SCAF4: variants seen among roughly 807,000 people sequenced by gnomAD.
SCAF4 encodes SR-related CTD associated factor 4.
A neutral mutation model predicts 129.8 loss-of-function variants in SCAF4; 25 were observed. The ratio of observed to expected loss-of-function variants is 0.19; its 90% CI spans 0.14 to 0.27. SCAF4 has a LOEUF of 0.27. Ranked by LOEUF, SCAF4 falls within the 10% of genes least tolerant of loss-of-function variation. The pLI, the probability that SCAF4 is intolerant of heterozygous loss-of-function variation, is 1.00. For missense variants in SCAF4, 1,246 were observed against 1,457.1 expected (o/e 0.86, Z 2.36); for synonymous variants, 551 against 497.7 (o/e 1.11, Z -1.43).
At chr21:31,717,898 C>CAT (rs757728318) in intron 1 of SCAF4, among the ~76,000 whole-genome samples, 23 of 102,912 alleles carry the variant, frequency 2.2e-4, no homozygotes, top group South Asian at 1.4e-3. Context: ...CATATATACA[C>CAT]ATATATACAC....
At chr21:31,680,164 G>C (rs2049963679) in intron 19 of SCAF4, among the ~76,000 whole-genome samples, 1 of 152,166 alleles carries the variant, frequency 6.6e-6, no homozygotes, top group South Asian at 2.1e-4. Flanking sequence ...CTTCAGACTT[G>C]CACTCTGGAG....
intron 1 of SCAF4, among the ~76,000 whole-genome samples, chr21:31,717,864 C>CATATATAT (rs1568861913): frequency 1.6e-5 from 2 of 122,016 alleles, no homozygotes; most frequent in African/African-American, 7.4e-5. Flanking sequence ...CACACACACA[C>CATATATAT]ACACACATAT....
intron 1 of SCAF4, 107 bp from the exon 2 acceptor site, chr21:31,706,464 G>A (rs1250181535): frequency 2.3e-5 from 16 of 709,914 alleles, no homozygotes; most frequent in Middle Eastern, 6.2e-4. Flanking sequence ...AAACGGGGCC[G>A]GGGTGGTGAG....
chr21:31,697,006 T>C (rs12627169), intron 7 of SCAF4, among the ~76,000 whole-genome samples: 1 of 152,168 alleles, frequency 6.6e-6, no homozygotes, highest in Non-Finnish European at 1.5e-5. Context: ...CTATTTTCTA[T>C]TGGTGTATTT....
At chr21:31,678,717 T>C (rs1192133258) in intron 19 of SCAF4, among the ~76,000 whole-genome samples, 1 of 152,200 alleles carries the variant, frequency 6.6e-6, no homozygotes, top group Non-Finnish European at 1.5e-5. Context: ...GTCCTCACTC[T>C]ACATTCCTTT....
chr21:31,708,062 T>C (rs1284529431), intron 1 of SCAF4, among the ~76,000 whole-genome samples: 2 of 152,146 alleles, frequency 1.3e-5, no homozygotes, highest in Non-Finnish European at 2.9e-5. Context: ...TCTTTGAGAA[T>C]AAAACGCTCA....
chr21:31,711,708 A>G (rs2050803428), intron 1 of SCAF4, among the ~76,000 whole-genome samples: 2 of 152,218 alleles, frequency 1.3e-5, no homozygotes, highest in South Asian at 4.1e-4. Flanking sequence ...GTAAAGATAA[A>G]AAGGACTGTA....
At chr21:31,715,906 GACATA>G (rs1311901631) in intron 1 of SCAF4, among the ~76,000 whole-genome samples, 1 of 152,112 alleles carries the variant, frequency 6.6e-6, no homozygotes, top group African/African-American at 2.4e-5. Flanking sequence ...GTTTTCACTA[GACATA>G]ACATACTTTA....
At chr21:31,702,213 T>C (rs2050549724) in intron 5 of SCAF4, 31 bp downstream of exon 5, 1 of 1,613,018 alleles carries the variant, frequency 6.2e-7, no homozygotes. Flanking sequence ...ATCATACCAT[T>C]GTGTGAGCTC....
At chr21:31,686,811 G>GAGAATCTAACT (rs2050137614) in intron 16 of SCAF4, among the ~76,000 whole-genome samples, 2 of 152,144 alleles carry the variant, frequency 1.3e-5, no homozygotes, top group African/African-American at 4.8e-5. Flanking sequence ...CAGTTCTTAT[G>GAGAATCTAACT]AGAATCTAAC....
At chr21:31,697,812 T>C (rs1318530333) in intron 7 of SCAF4, among the ~76,000 whole-genome samples, 2 of 152,228 alleles carry the variant, frequency 1.3e-5, no homozygotes, top group African/African-American at 4.8e-5. Flanking sequence ...TGTTTTGGGA[T>C]AGAGCTAACT....
chr21:31,716,287 G>A (rs747312321), intron 1 of SCAF4, among the ~76,000 whole-genome samples: 2 of 152,006 alleles, frequency 1.3e-5, no homozygotes, highest in Non-Finnish European at 2.9e-5. Flanking sequence ...TTGGTAGTAT[G>A]ACCTCCAAGA....
At chr21:31,684,980 T>G (rs1267914366) in intron 19 of SCAF4, 69 bp downstream of exon 19, 2 of 515,324 alleles carry the variant, frequency 3.9e-6, no homozygotes, top group Non-Finnish European at 3.2e-6. Flanking sequence ...AAAATCTAAC[T>G]TGGGGATGGG....
At chr21:31,719,525 A>G (rs1231093710) in intron 1 of SCAF4, among the ~76,000 whole-genome samples, 1 of 151,696 alleles carries the variant, frequency 6.6e-6, no homozygotes, top group East Asian at 1.9e-4. Context: ...TTTTTTTGAG[A>G]TGGAGCTTCA....
chr21:31,712,274 G>C (rs2050818172), intron 1 of SCAF4, among the ~76,000 whole-genome samples: 1 of 145,436 alleles, frequency 6.9e-6, no homozygotes, highest in African/African-American at 2.6e-5. Flanking sequence ...CTGGAGTGCA[G>C]TGGTGGGATC....
At chr21:31,724,559 C>T (rs1290663554) in intron 1 of SCAF4, among the ~76,000 whole-genome samples, 3 of 152,146 alleles carry the variant, frequency 2.0e-5, no homozygotes, top group African/African-American at 7.2e-5. Flanking sequence ...ACTGATGTAA[C>T]ATTTTTTCCC....
chr21:31,730,136 T>G (rs1269320076), intron 1 of SCAF4, among the ~76,000 whole-genome samples: 1 of 152,216 alleles, frequency 6.6e-6, no homozygotes, highest in Non-Finnish European at 1.5e-5. Flanking sequence ...GAGGCACCTG[T>G]TTTGATTGGT....
intron 1 of SCAF4, among the ~76,000 whole-genome samples, chr21:31,711,709 A>C (rs1326606804): frequency 6.6e-6 from 1 of 152,196 alleles, no homozygotes; most frequent in South Asian, 2.1e-4. Flanking sequence ...TAAAGATAAA[A>C]AGGACTGTAC....
At chr21:31,672,391 G>A (rs1436452252) in intron 19 of SCAF4, 37 bp from the exon 20 acceptor site, 3 of 1,456,724 alleles carry the variant, frequency 2.1e-6, no homozygotes, top group South Asian at 1.2e-5. Flanking sequence ...AAACACCACC[G>A]AAGATGGCAC....
Sources: allele counts gnomAD v4.1 joint callset (sites outside exome capture counted in the v4.1 genomes callset), GRCh38; gene constraint gnomAD v4.1.1; transcripts MANE v1.5; gene names NCBI Gene and HGNC (gene_info 2026-07-23, HGNC 2026-07-21).